The following LINGO2 variants were observed in gnomAD, a reference collection of about 807,000 sequenced individuals.
LINGO2 encodes leucine-rich repeat and immunoglobulin-like domain-containing nogo receptor-interacting protein 2.
LINGO2 carries 14 observed loss-of-function variants against 30.6 expected under a neutral mutation model. The ratio of observed to expected loss-of-function variants is 0.46; its 90% CI spans 0.30 to 0.72. LINGO2 has a LOEUF of 0.72. LINGO2 is among the 30% of genes least tolerant of loss of function. The pLI, the probability that LINGO2 is intolerant of heterozygous loss-of-function variation, is 0.07. For missense variants in LINGO2, 729 were observed against 751.7 expected (o/e 0.97, Z 0.35); for synonymous variants, 317 against 288.5 (o/e 1.10, Z -1.00).
intron 4 of LINGO2, among the ~76,000 whole-genome samples, chr9:28,068,918 G>T: frequency 6.6e-6 from 1 of 152,222 alleles, no homozygotes; most frequent in East Asian, 1.9e-4. Flanking sequence ...TGCAGATACA[G>T]CAGTGAACAA....
chr9:29,076,400 A>G, the LINGO2 span, among the ~76,000 whole-genome samples: 1 of 151,758 alleles, frequency 6.6e-6, no homozygotes, highest in East Asian at 1.9e-4. Context: ...TTTGATAGGA[A>G]TAAACTCTCT....
At chr9:28,029,381 T>C (rs1235249713) in intron 4 of LINGO2, among the ~76,000 whole-genome samples, 1 of 152,112 alleles carries the variant, frequency 6.6e-6, no homozygotes, top group Non-Finnish European at 1.5e-5. Context: ...CACTAAAGTG[T>C]AAATTAAAAA....
At chr9:28,844,093 G>T in the LINGO2 span, among the ~76,000 whole-genome samples, 101 of 151,974 alleles carry the variant, frequency 6.6e-4, no homozygotes, top group Admixed American at 2.9e-3. Context: ...CGGGCACAGT[G>T]GCTCATGACC....
chr9:28,273,059 A>T (rs1407146303), intron 4 of LINGO2, among the ~76,000 whole-genome samples: 2 of 152,186 alleles, frequency 1.3e-5, no homozygotes, highest in African/African-American at 4.8e-5. Context: ...TGTAAGCTCC[A>T]TATATACTTA....
At chr9:28,158,730 T>C (rs1338083475) in intron 4 of LINGO2, among the ~76,000 whole-genome samples, 5 of 152,108 alleles carry the variant, frequency 3.3e-5, no homozygotes, top group Non-Finnish European at 5.9e-5. Flanking sequence ...CACTTAGTGC[T>C]CCCCTGCATG....
chr9:28,275,746 G>C (rs1823094182), intron 4 of LINGO2, among the ~76,000 whole-genome samples: 1 of 152,156 alleles, frequency 6.6e-6, no homozygotes, highest in South Asian at 2.1e-4. Context: ...TATCATGTAA[G>C]AAACTAATTT....
At chr9:28,038,210 G>C (rs1174820959) in intron 4 of LINGO2, among the ~76,000 whole-genome samples, 1 of 142,920 alleles carries the variant, frequency 7.0e-6, no homozygotes. Context: ...GACCATGCCA[G>C]GACAGTTATC....
chr9:28,846,094 C>T, the LINGO2 span, among the ~76,000 whole-genome samples: 1 of 151,638 alleles, frequency 6.6e-6, no homozygotes, highest in Non-Finnish European at 1.5e-5. Flanking sequence ...TATCATAAGA[C>T]ATAGTCAGAA....
intron 1 of LINGO2, among the ~76,000 whole-genome samples, chr9:28,523,153 C>T (rs1587801872): frequency 6.6e-6 from 1 of 151,678 alleles, no homozygotes; most frequent in Non-Finnish European, 1.5e-5. Context: ...ATAAAAGTTG[C>T]TTTAATATCC....
chr9:28,929,439 G>T, the LINGO2 span, among the ~76,000 whole-genome samples: 1 of 152,214 alleles, frequency 6.6e-6, no homozygotes, highest in African/African-American at 2.4e-5. Flanking sequence ...AGGAGAGAGG[G>T]TTGGGAGGAG....
the LINGO2 span, among the ~76,000 whole-genome samples, chr9:28,857,436 A>T: frequency 2.6e-5 from 4 of 152,092 alleles, no homozygotes; most frequent in Admixed American, 2.6e-4. Context: ...TACTGGGGCA[A>T]CTGGGGTGTA....
chr9:28,491,945 G>C (rs1324344139), intron 1 of LINGO2, among the ~76,000 whole-genome samples: 1 of 152,192 alleles, frequency 6.6e-6, no homozygotes, highest in Admixed American at 6.6e-5. Flanking sequence ...GGGAAAAAGG[G>C]TGTATTATTT....
At chr9:28,530,280 A>G (rs1821181866) in intron 1 of LINGO2, among the ~76,000 whole-genome samples, 2 of 152,232 alleles carry the variant, frequency 1.3e-5, no homozygotes, top group South Asian at 2.1e-4. Flanking sequence ...ATAACAATAC[A>G]TCACCACCAT....
intron 4 of LINGO2, among the ~76,000 whole-genome samples, chr9:28,253,376 T>G (rs910975581): frequency 6.6e-6 from 1 of 152,130 alleles, no homozygotes; most frequent in African/African-American, 2.4e-5. Context: ...GACCCTTGAC[T>G]TGTGGATGTT....
intron 4 of LINGO2, among the ~76,000 whole-genome samples, chr9:28,280,894 G>T (rs184158232): frequency 6.6e-6 from 1 of 152,152 alleles, no homozygotes; most frequent in African/African-American, 2.4e-5. Context: ...AATTGACTAA[G>T]ACTAGCATAT....
intron 4 of LINGO2, among the ~76,000 whole-genome samples, chr9:28,097,200 G>T (rs915144067): frequency 6.6e-6 from 1 of 152,138 alleles, no homozygotes; most frequent in East Asian, 1.9e-4. Flanking sequence ...TGCTGGAGGG[G>T]ATGTGGAGAA....
chr9:28,467,038 G>C lies in LINGO2; in HGVS notation c.-279+8902C>G, dbSNP rs937225884. Among the ~76,000 whole-genome samples, 116 of 149,604 alleles carry C rather than the reference G, an allele frequency of 7.8e-4. 2 individuals carry two copies. Among genetic ancestry groups the C allele is most frequent in the Non-Finnish European group, 1.2e-3 (78 of 67,448 alleles). On this transcript the variant is annotated intron_variant, in intron 2 of 5. Transcript: ENST00000379992. ...CCTAGCTGACTCTCTTTTTTTTTGG[G>C]GGGGGGGGACGGAGTCTCGCTCTGT...
At chr9:28,926,344 A>G in the LINGO2 span, among the ~76,000 whole-genome samples, 1 of 152,162 alleles carries the variant, frequency 6.6e-6, no homozygotes, top group East Asian at 1.9e-4. Context: ...AAAAGAAACC[A>G]TTCGCTTCAT....
At chr9:28,936,085 G>A in the LINGO2 span, among the ~76,000 whole-genome samples, 2 of 152,046 alleles carry the variant, frequency 1.3e-5, no homozygotes. Context: ...TTTATTTTGT[G>A]GGCCAATACC....
Sources: gnomAD v4.1 joint callset for allele counts (sites outside exome capture counted in the v4.1 genomes callset) on GRCh38, gnomAD v4.1.1 for gene constraint, MANE v1.5 for transcripts, NCBI Gene and HGNC (gene_info 2026-07-23, HGNC 2026-07-21) for gene names.